Variants in DNAH12 observed in about 807,000 individuals in gnomAD.
DNAH12 encodes the protein dynein axonemal heavy chain 12, also known as axonemal beta dynein heavy chain 12.
Under a neutral mutation model 371.5 loss-of-function variants are expected in DNAH12, and 285 were observed. The ratio of observed to expected loss-of-function variants is 0.77; its 90% CI spans 0.70 to 0.85. The LOEUF (loss-of-function observed/expected upper bound fraction) is 0.85. Among genes scored for constraint, DNAH12 ranks in the 40% least tolerant of loss-of-function variants. The pLI is 0.00. For missense variants in DNAH12, 3,611 were observed against 3,689.4 expected, an observed-to-expected ratio of 0.98 and a Z score of 0.55; for synonymous variants, 1,200 against 1,213.0, an observed-to-expected ratio of 0.99 and a Z score of 0.22.
intron 55 of DNAH12, among the ~76,000 whole-genome samples, chr3:57,373,395 A>G (rs2153338067): frequency 6.6e-6 from 1 of 151,364 alleles, no homozygotes; most frequent in East Asian, 1.9e-4. Flanking sequence ...GGCTCACTGC[A>G]ACCTCCACCT....
the DNAH12 span, among the ~76,000 whole-genome samples, chr3:57,553,086 G>GA: frequency 6.6e-6 from 1 of 152,020 alleles, no homozygotes; most frequent in African/African-American, 2.4e-5. Flanking sequence ...TGAGGCAGGA[G>GA]AATCGCTTGA....
intron 2 of DNAH12, among the ~76,000 whole-genome samples, chr3:57,533,599 A>G (rs1487825614): frequency 2.6e-5 from 4 of 152,168 alleles, no homozygotes; most frequent in African/African-American, 9.7e-5. Flanking sequence ...CTTCCCTTCA[A>G]GGCAGCAGGT....
chr3:57,312,698 A>G (rs2061605874), intron 66 of DNAH12, among the ~76,000 whole-genome samples: 2 of 152,304 alleles, frequency 1.3e-5, no homozygotes, highest in South Asian at 4.1e-4. Context: ...GTTTTGGCAA[A>G]ATGTTCTCCA....
At chr3:57,448,585 G>A (rs763164903) in intron 25 of DNAH12, among the ~76,000 whole-genome samples, 6 of 152,184 alleles carry the variant, frequency 3.9e-5, no homozygotes, top group Admixed American at 6.5e-5. Flanking sequence ...AAAGAACAAA[G>A]CTTCCACAGC....
At chr3:57,491,687 G>C (rs538038150) in intron 11 of DNAH12, among the ~76,000 whole-genome samples, 1 of 152,020 alleles carries the variant, frequency 6.6e-6, no homozygotes, top group Non-Finnish European at 1.5e-5. Context: ...TAAACCCCCA[G>C]CACTTTGGGA....
Position 57,453,026 on chromosome 3 carries a change from T to C in DNAH12, c.3614-11A>G. Reference sequence around the variant, plus strand: ...TATCATGTGAGACACCTAGAAAAAATAAAGTAAAATAAGACACATGATCCT... The same window carrying C: ...TATCATGTGAGACACCTAGAAAAAACAAAGTAAAATAAGACACATGATCCT... On this transcript the variant is annotated splice_polypyrimidine_tract_variant and intron_variant, in intron 24 of 73. Transcript: ENST00000495027. The C allele has an allele frequency of 6.5e-7, 1 of 1,531,280 alleles. No individual in the cohort carries two copies. Among genetic ancestry groups the C allele is most frequent in the Non-Finnish European group, 8.8e-7 (1 of 1,142,628 alleles). 94.9% of individuals were successfully genotyped at this position (1,531,280 alleles called of 1,614,324 possible).
intron 39 of DNAH12, among the ~76,000 whole-genome samples, chr3:57,412,465 T>G (rs773731733): frequency 1.7e-4 from 26 of 152,216 alleles, no homozygotes; most frequent in Non-Finnish European, 3.4e-4. Flanking sequence ...ATTAACAACT[T>G]CTGCTCTGCC....
chr3:57,302,724 C>T (rs1284446427), intron 69 of DNAH12, among the ~76,000 whole-genome samples: 1 of 149,736 alleles, frequency 6.7e-6, no homozygotes, highest in African/African-American at 2.5e-5. Flanking sequence ...TGCAGGCATG[C>T]ACCACCACAC....
At chr3:57,446,723 T>C (rs546975007) in intron 25 of DNAH12, 34 bp from the exon 26 acceptor site, 13 of 1,436,660 alleles carry the variant, frequency 9.0e-6, no homozygotes, top group Admixed American at 2.8e-5. Flanking sequence ...AAGAAATCCA[T>C]GCTTAAATTT....
chr3:57,454,257 G>A (rs1489923440), intron 23 of DNAH12, among the ~76,000 whole-genome samples: 5 of 152,092 alleles, frequency 3.3e-5, no homozygotes, highest in Non-Finnish European at 1.5e-5. Context: ...AAGGTGGGCG[G>A]ATCTCCTGAG....
At chr3:57,525,154 C>CAAAAA (rs5849213) in intron 2 of DNAH12, among the ~76,000 whole-genome samples, 2 of 109,500 alleles carry the variant, frequency 1.8e-5, no homozygotes, top group African/African-American at 3.3e-5. Context: ...AGAGGAGAAA[C>CAAAAA]AAAAAAAAAA....
intron 2 of DNAH12, among the ~76,000 whole-genome samples, chr3:57,526,997 G>A (rs2068671318): frequency 6.6e-6 from 1 of 152,080 alleles, no homozygotes; most frequent in Non-Finnish European, 1.5e-5. Context: ...GCCACACCCA[G>A]CTAATTTGTG....
Position 57,405,715 on chromosome 3 carries a change from TTA to T in DNAH12, c.6512_6513del (p.Ile2171LysfsTer5), listed in dbSNP as rs1461157691. 6.4e-7 allele frequency: 1 copy of T among 1,551,558 alleles called. No individual in the cohort carries two copies. The highest frequency in any genetic ancestry group is 1.4e-5 in the African/African-American group (1 of 73,040). On this transcript the variant is annotated frameshift_variant, in exon 41 of 74. Transcript: ENST00000495027. LOFTEE classifies it high-confidence loss of function. Reference protein sequence around the residue: ...RWLFQLTKTVIKDHFKESFHS... With the variant: ...RWLFQLTKTVXKDHFKESFHS... ...TGAAATGATTCTTTAAAATGGTCCT[TTA>T]TAACAGTTTTAGTTAACTGGAACAG...
At chr3:57,360,829 A>T (rs1230190625) in intron 58 of DNAH12, among the ~76,000 whole-genome samples, 2 of 152,104 alleles carry the variant, frequency 1.3e-5, no homozygotes, top group Non-Finnish European at 2.9e-5. Context: ...AAAGTGAAGG[A>T]GCACATAATT....
At chr3:57,438,416 G>T (rs570347516) in intron 29 of DNAH12, among the ~76,000 whole-genome samples, 2 of 152,118 alleles carry the variant, frequency 1.3e-5, no homozygotes, top group African/African-American at 4.8e-5. Flanking sequence ...AAAACTTAAG[G>T]TTGGACGTCC....
intron 49 of DNAH12, among the ~76,000 whole-genome samples, 158 bp from the exon 50 acceptor site, chr3:57,382,551 G>A (rs960269536): frequency 1.3e-5 from 2 of 149,424 alleles, no homozygotes; most frequent in African/African-American, 2.5e-5. Flanking sequence ...GGTTATGAAA[G>A]AATTAACAAA....
chr3:57,375,334 A>G (rs1444741102), intron 55 of DNAH12, 37 bp downstream of exon 55: 4 of 152,324 alleles, frequency 2.6e-5, no homozygotes, highest in South Asian at 4.1e-4. Context: ...ACTTTCAAAC[A>G]GAACAACAGA....
intron 12 of DNAH12, among the ~76,000 whole-genome samples, chr3:57,488,228 T>C: frequency 6.6e-6 from 1 of 152,160 alleles, no homozygotes; most frequent in East Asian, 1.9e-4. Flanking sequence ...AGTCTCGCAC[T>C]GTAGCCCGGG....
upstream of DNAH12, among the ~76,000 whole-genome samples, chr3:57,547,539 AAAT>A (rs1328490180): frequency 2.0e-5 from 3 of 152,184 alleles, no homozygotes; most frequent in Non-Finnish European, 4.4e-5. Flanking sequence ...TTATACAAAT[AAAT>A]AATATTGCCA....
Sources: allele counts gnomAD v4.1 joint callset (sites outside exome capture counted in the v4.1 genomes callset), GRCh38; gene constraint gnomAD v4.1.1; transcripts MANE v1.5; gene names NCBI Gene and HGNC (gene_info 2026-07-23, HGNC 2026-07-21).